Variants in ANKRD40 observed in about 807,000 individuals in gnomAD.
The protein encoded by ANKRD40 is ankyrin repeat domain 40, also known as ankyrin repeat domain-containing protein 40.
In ANKRD40, 24 loss-of-function variants were observed where a neutral mutation model predicts 35.5. The ratio of observed to expected loss-of-function variants is 0.68; its 90% CI spans 0.49 to 0.95. The LOEUF (loss-of-function observed/expected upper bound fraction) is 0.95, where lower values mean the gene tolerates loss of function less well. ANKRD40 is among the 40% of genes least tolerant of loss of function. The probability of loss-of-function intolerance (pLI) is 0.00; values close to 1 mark genes in which losing one functional copy is unlikely to be tolerated. For missense variants in ANKRD40, 361 were observed against 436.0 expected (o/e 0.83, Z 1.53); for synonymous variants, 147 against 173.5 (o/e 0.85, Z 1.20).
At chr17:50,704,891 G>T (rs956031459) in intron 1 of ANKRD40, among the ~76,000 whole-genome samples, 3 of 152,130 alleles carry the variant, frequency 2.0e-5, no homozygotes, top group African/African-American at 7.2e-5. Context: ...GAGTCAGGCG[G>T]ATCACAAGGT....
intron 4 of ANKRD40, 96 bp downstream of exon 4, chr17:50,696,844 C>T: frequency 8.7e-7 from 1 of 1,148,502 alleles, no homozygotes. Context: ...CTTTTCTATT[C>T]TTTGTTTATT....
In ANKRD40 at chr17:50,707,542, G is replaced by T. The variant is rs1219652317; in HGVS notation, c.113C>A (p.Ser38Tyr). 2 of 1,607,680 alleles carry T rather than the reference G, an allele frequency of 1.2e-6. No individual in the cohort carries two copies. Among genetic ancestry groups the T allele is most frequent in the East Asian group, 4.6e-5 (2 of 43,710 alleles). Residue 38 changes from serine to tyrosine, a missense_variant, in exon 1 of 5, where the codon TCC (serine) becomes TAC (tyrosine). Coordinates refer to ENST00000285243, the MANE Select transcript of ANKRD40 (RefSeq NM_052855.4). This position sits in a 1 kb window ranked among gnomAD's most constrained non-coding sequence, Gnocchi z 4.8. The stretch of plus-strand genomic sequence containing the variant: ...TTACCAGCCGTTGACCTCATTTTGG[G>T]AGTTCACATCCACCCCGCTCTCCAC... ...KLVESGVDVN[S>Y]QNEVNGWTCL...
In ANKRD40 at chr17:50,699,770, G is replaced by A. The variant is rs1318297926; in HGVS notation, c.407C>T (p.Thr136Ile). 1.9e-6 allele frequency: 3 copies of A among 1,607,686 alleles called. No individual in the cohort carries two copies. The highest frequency in any genetic ancestry group is 2.6e-6 in the Non-Finnish European group (3 of 1,176,142). Reference protein sequence around the residue: ...NPAFPFIYTPTAEDSAQMQNG... With the variant: ...NPAFPFIYTPIAEDSAQMQNG... ...CTGCATCTGGGCTGAATCCTCTGCT[G>A]TGGGTGTATAGATAAAAGGGAAGGC... Residue 136 changes from threonine (T) to isoleucine (I), a missense_variant, in exon 3 of 5, where the codon ACA becomes ATA. Physicochemically the swap from Thr to Ile is moderately conservative, Grantham distance 89 (BLOSUM62 -1). Coordinates refer to ENST00000285243, the MANE Select transcript of ANKRD40 (RefSeq NM_052855.4).
Position 50,695,873 on chromosome 17 carries a change from T to C in ANKRD40, c.*124A>G. On this transcript the variant is annotated 3_prime_UTR_variant, in exon 5 of 5. Transcript: ENST00000285243. ...TCCTACCTTGGCAGAATGATGTTAGTATATACTATGCAGTGGCACCAGAGG... is the reference window on the plus strand; with the variant it reads ...TCCTACCTTGGCAGAATGATGTTAGCATATACTATGCAGTGGCACCAGAGG... The C allele has an allele frequency of 8.4e-7, 1 of 1,183,994 alleles. No individual in the cohort carries two copies. Among genetic ancestry groups the C allele is most frequent in the South Asian group, 1.5e-5 (1 of 64,588 alleles). 73.3% of individuals were successfully genotyped at this position (1,183,994 alleles called of 1,614,324 possible).
chr17:50,707,580 C>A lies in ANKRD40; in HGVS notation c.75G>T (p.Glu25Asp). Reference sequence around the variant, plus strand: ...CCCCGCTCTCCACCAGTTTCTGCACCTCCCGAATGTCCCCTAAGGCCGCGG... The same window carrying A: ...CCCCGCTCTCCACCAGTTTCTGCACATCCCGAATGTCCCCTAAGGCCGCGG... ...REAAALGDIR[E>D]VQKLVESGVD... The change falls in exon 1 of 5, where the codon GAG becomes GAT. Residue 25 changes from glutamate to aspartate, a missense_variant. Transcript: ENST00000285243. This position sits in a 1 kb window ranked among gnomAD's most constrained non-coding sequence, Gnocchi z 4.8. 6.2e-7 allele frequency: 1 copy of A among 1,608,304 alleles called. No individual in the cohort carries two copies. Among genetic ancestry groups the A allele is most frequent in the Non-Finnish European group, 8.5e-7 (1 of 1,177,248 alleles).
intron 1 of ANKRD40, 123 bp from the exon 2 acceptor site, chr17:50,700,839 T>C: frequency 2.3e-6 from 2 of 858,536 alleles, no homozygotes; most frequent in African/African-American, 1.7e-5. Flanking sequence ...GTAACCGGGC[T>C]GGTAATCTCA....
chr17:50,704,543 TAAG>T (rs994129307), intron 1 of ANKRD40, among the ~76,000 whole-genome samples: 1 of 140,892 alleles, frequency 7.1e-6, no homozygotes, highest in African/African-American at 2.7e-5. Context: ...AAAAAACCTA[TAAG>T]AAGCCTCTTC....
intron 3 of ANKRD40, among the ~76,000 whole-genome samples, chr17:50,697,803 T>G (rs992331873): frequency 6.6e-6 from 1 of 152,156 alleles, no homozygotes; most frequent in Admixed American, 6.5e-5. Flanking sequence ...TCCCTGTATA[T>G]GAATCCCTTG....
Position 50,707,778 on chromosome 17 carries a change from C to CCTGCTCGCGCCG in ANKRD40, c.-136_-125dup, listed in dbSNP as rs1968360540. 5 of 618,628 alleles carry CCTGCTCGCGCCG rather than the reference C, an allele frequency of 8.1e-6. No homozygotes were observed. The highest frequency in any genetic ancestry group is 4.0e-5 in the African/African-American group (2 of 50,234). The allele number at this position is 618,628 out of a possible 1,614,324, so 38.3% of individuals were successfully genotyped here. On this transcript the variant is annotated 5_prime_UTR_variant, in exon 1 of 5. Transcript: ENST00000285243. This position sits in a 1 kb window ranked among gnomAD's most constrained non-coding sequence, Gnocchi z 4.8. Reference sequence around the variant, plus strand: ...GGGAGGGAGCGCGGAACTCGCCCGCCCTGCTCGCGCCGCTGCCCGCGCCCG... The same window carrying CCTGCTCGCGCCG: ...GGGAGGGAGCGCGGAACTCGCCCGCCCTGCTCGCGCCGCTGCTCGCGCCGCTGCCCGCGCCCG...
intron 2 of ANKRD40, chr17:50,700,160 G>A: frequency 3.0e-6 from 1 of 335,916 alleles, no homozygotes; most frequent in Non-Finnish European, 5.3e-6. Context: ...AAATAGAACA[G>A]TTGCCGGGAG....
chr17:50,706,355 C>T (rs1222654069), intron 1 of ANKRD40, among the ~76,000 whole-genome samples: 3 of 151,828 alleles, frequency 2.0e-5, no homozygotes, highest in South Asian at 2.1e-4. Flanking sequence ...CTCCTGACCT[C>T]GTGATCCGCC....
In ANKRD40 at chr17:50,707,604, G is replaced by A; in HGVS notation, c.51C>T (p.Ala17=). 1.9e-6 allele frequency: 3 copies of A among 1,603,832 alleles called. No individual in the cohort carries two copies. The highest frequency in any genetic ancestry group is 2.6e-6 in the Non-Finnish European group (3 of 1,175,402). ...QKEQQERLRE[A]AALGDIREVQ... is the part of the protein sequence containing the mutation. ...CCTCCCGAATGTCCCCTAAGGCCGC[G>A]GCCTCCCGCAGCCTCTCCTGCTGCT... Residue 17 remains alanine, a synonymous_variant, in exon 1 of 5, where the codon GCC becomes GCT. Coordinates refer to ENST00000285243, the MANE Select transcript of ANKRD40 (RefSeq NM_052855.4). The surrounding 1 kb of genome is among the most constrained non-coding windows in gnomAD (Gnocchi z 4.8).
In ANKRD40 at chr17:50,707,481, C is replaced by A. The variant is rs1264105763; in HGVS notation, c.134+40G>T. The A allele has an allele frequency of 1.3e-6, 2 of 1,587,990 alleles. No homozygotes were observed. The highest frequency in any genetic ancestry group is 8.6e-7 in the Non-Finnish European group (1 of 1,167,534). ...GACTGACTGCCCCACGCCTTCCGAC[C>A]GGCTGCCCTGACCCTAGGCCTCCCC... On this transcript the variant is annotated intron_variant, in intron 1 of 4. Transcript: ENST00000285243. The surrounding 1 kb of genome is among the most constrained non-coding windows in gnomAD (Gnocchi z 4.8).
chr17:50,702,755 T>C (rs1968286003), intron 1 of ANKRD40, among the ~76,000 whole-genome samples: 1 of 152,152 alleles, frequency 6.6e-6, no homozygotes, highest in Non-Finnish European at 1.5e-5. Context: ...TAAAGCAGGG[T>C]TAAGTCAACA....
chr17:50,699,866 T>A lies in ANKRD40; in HGVS notation c.311A>T (p.Asp104Val). 1.3e-6 allele frequency: 2 copies of A among 1,512,392 alleles called. No individual in the cohort carries two copies. Among genetic ancestry groups the A allele is most frequent in the Non-Finnish European group, 1.8e-6 (2 of 1,131,196 alleles). The allele number at this position is 1,512,392 out of a possible 1,614,324, so 93.7% of individuals were successfully genotyped here. A position where few individuals can be genotyped will look rare whatever the true frequency, so the allele number is the denominator to read the frequency against. The change falls in exon 3 of 5, where the codon GAT (aspartate) becomes GTT (valine). Residue 104 changes from aspartate (D) to valine (V), a missense_variant. Asp to Val is a radical substitution (Grantham distance 152). Transcript: ENST00000285243. ...GVEEEDDDDD[D>V]DDNLPQLKKE... ...CTTCAGCTGGGGGAGGTTGTCATCATCATCATCATCATCATCTTCTTCTTC... is the reference window on the plus strand; with the variant it reads ...CTTCAGCTGGGGGAGGTTGTCATCAACATCATCATCATCATCTTCTTCTTC...
At chr17:50,702,233 C>G (rs1968280678) in intron 1 of ANKRD40, among the ~76,000 whole-genome samples, 1 of 152,060 alleles carries the variant, frequency 6.6e-6, no homozygotes, top group African/African-American at 2.4e-5. Flanking sequence ...GGTGAAACCC[C>G]ATCTCTACTA....
chr17:50,705,925 CT>C (rs1968331298), intron 1 of ANKRD40, among the ~76,000 whole-genome samples: 1 of 151,862 alleles, frequency 6.6e-6, no homozygotes, highest in Non-Finnish European at 1.5e-5. Flanking sequence ...TCCCAAAGTG[CT>C]GAGATTACAG....
In ANKRD40 at chr17:50,707,462, C is replaced by G; in HGVS notation, c.134+59G>C. The G allele has an allele frequency of 6.4e-7, 1 of 1,568,040 alleles. No homozygotes were observed. Among genetic ancestry groups the G allele is most frequent in the Admixed American group, 1.8e-5 (1 of 55,768 alleles). On this transcript the variant is annotated intron_variant, in intron 1 of 4. Coordinates refer to ENST00000285243, the MANE Select transcript of ANKRD40 (RefSeq NM_052855.4). This position sits in a 1 kb window ranked among gnomAD's most constrained non-coding sequence, Gnocchi z 4.8. ...CGCGCTGGGCCCAGGTCGCGACTGA[C>G]TGCCCCACGCCTTCCGACCGGCTGC... is the stretch of plus-strand genomic sequence containing the variant.
At chr17:50,697,499 AAAG>A (rs1347066328) in intron 3 of ANKRD40, among the ~76,000 whole-genome samples, 1 of 152,240 alleles carries the variant, frequency 6.6e-6, no homozygotes, top group Non-Finnish European at 1.5e-5. Context: ...AGAAGGTTGG[AAAG>A]AAGGCATGGG....
Sources: gnomAD v4.1 joint callset for allele counts (sites outside exome capture counted in the v4.1 genomes callset) on GRCh38, gnomAD v4.1.1 for gene constraint, Gnocchi (gnomAD v3.1) non-coding constraint, MANE v1.5 for transcripts, NCBI Gene and HGNC (gene_info 2026-07-23, HGNC 2026-07-21) for gene names.